The following RAB3GAP1 variants were observed in gnomAD, a reference collection of about 807,000 sequenced individuals.
The protein encoded by RAB3GAP1 is RAB3 GTPase activating protein catalytic subunit 1.
RAB3GAP1 carries 86 observed loss-of-function variants against 130.7 expected under a neutral mutation model. The observed-to-expected ratio is 0.66, with a 90% CI of 0.55 to 0.79. The LOEUF (loss-of-function observed/expected upper bound fraction) is 0.79, where lower values mean the gene tolerates loss of function less well. Among genes scored for constraint, RAB3GAP1 ranks in the 30% least tolerant of loss-of-function variants. RAB3GAP1 has a pLI of 0.00. For missense variants in RAB3GAP1, 1,029 were observed against 1,169.4 expected, an observed-to-expected ratio of 0.88 and a Z score of 1.75; for synonymous variants, 367 against 401.7, an observed-to-expected ratio of 0.91 and a Z score of 1.03.
chr2:135,078,661 TCCC>T (rs1558764987), intron 3 of RAB3GAP1, among the ~76,000 whole-genome samples: 1 of 5,812 alleles, frequency 1.7e-4, no homozygotes. Context: ...TCCCCTCCCC[TCCC>T]CTCCCCTCCC....
At chr2:135,088,461 G>T (rs1300093131) in intron 3 of RAB3GAP1, among the ~76,000 whole-genome samples, 5 of 151,950 alleles carry the variant, frequency 3.3e-5, no homozygotes, top group African/African-American at 1.2e-4. Context: ...GGCTGAGGTG[G>T]GCAGATGACT....
intron 3 of RAB3GAP1, among the ~76,000 whole-genome samples, chr2:135,068,269 A>G (rs190798958): frequency 4.7e-4 from 71 of 152,234 alleles, no homozygotes; most frequent in Admixed American, 2.0e-3. Context: ...CTTTTTAGAC[A>G]TTTTTAGTTC....
chr2:135,084,486 A>G (rs1038604539), intron 3 of RAB3GAP1, among the ~76,000 whole-genome samples: 1 of 152,210 alleles, frequency 6.6e-6, no homozygotes, highest in Non-Finnish European at 1.5e-5. Flanking sequence ...GTCTAGAGTA[A>G]GAAAAGGATC....
chr2:135,173,134 T>C (rs1692902926), downstream of RAB3GAP1, among the ~76,000 whole-genome samples: 1 of 152,112 alleles, frequency 6.6e-6, no homozygotes, highest in African/African-American at 2.4e-5. Flanking sequence ...AGATGCTTAT[T>C]TTTAAACTGC....
downstream of RAB3GAP1, among the ~76,000 whole-genome samples, chr2:135,173,993 C>A (rs968368645): frequency 6.6e-6 from 1 of 152,216 alleles, no homozygotes; most frequent in African/African-American, 2.4e-5. Context: ...CTCCTGGAAG[C>A]CCAGGGACTC....
chr2:135,092,866 C>G (rs1160295285), intron 4 of RAB3GAP1, among the ~76,000 whole-genome samples: 2 of 152,174 alleles, frequency 1.3e-5, no homozygotes, highest in Non-Finnish European at 2.9e-5. Flanking sequence ...ACCATCAGCT[C>G]AGTTTTACAG....
At chr2:135,079,188 G>GT (rs1395633072) in intron 3 of RAB3GAP1, among the ~76,000 whole-genome samples, 4 of 152,118 alleles carry the variant, frequency 2.6e-5, no homozygotes, top group African/African-American at 9.7e-5. Flanking sequence ...GTTTCACCAT[G>GT]TTGTCCAGGA....
intron 3 of RAB3GAP1, among the ~76,000 whole-genome samples, chr2:135,079,323 T>A (rs1482696031): frequency 6.6e-6 from 1 of 152,174 alleles, no homozygotes; most frequent in Non-Finnish European, 1.5e-5. Context: ...TCCTTACTTC[T>A]CCATGCTTTC....
chr2:135,122,272 C>G (rs1195849070), intron 8 of RAB3GAP1, among the ~76,000 whole-genome samples: 1 of 152,096 alleles, frequency 6.6e-6, no homozygotes, highest in Non-Finnish European at 1.5e-5. Context: ...TCAGAAGAAA[C>G]ACTCAAATGT....
chr2:135,085,852 T>C (rs1472320954), intron 3 of RAB3GAP1, among the ~76,000 whole-genome samples: 1 of 152,222 alleles, frequency 6.6e-6, no homozygotes, highest in African/African-American at 2.4e-5. Context: ...TTAACAAATG[T>C]ATATACCCAT....
At chr2:135,079,017 G>A (rs1341983851) in intron 3 of RAB3GAP1, among the ~76,000 whole-genome samples, 2 of 151,998 alleles carry the variant, frequency 1.3e-5, no homozygotes, top group East Asian at 3.9e-4. Context: ...ACAGGCACAC[G>A]CCACCATGCC....
intron 23 of RAB3GAP1, 145 bp downstream of exon 23, chr2:135,164,841 A>G (rs1692586612): frequency 1.5e-5 from 10 of 668,774 alleles, no homozygotes; most frequent in South Asian, 3.1e-5. Context: ...TGAAGAAACA[A>G]TGACTTCTGA....
At chr2:135,124,693 T>C (rs566870637) in intron 9 of RAB3GAP1, among the ~76,000 whole-genome samples, 1 of 152,330 alleles carries the variant, frequency 6.6e-6, no homozygotes, top group South Asian at 2.1e-4. Context: ...CTACACTTGC[T>C]TTATTTATTT....
chr2:135,104,875 C>T (rs895061982), intron 5 of RAB3GAP1, among the ~76,000 whole-genome samples: 10 of 151,870 alleles, frequency 6.6e-5, no homozygotes, highest in Admixed American at 1.3e-4. Flanking sequence ...GGCAACAGAG[C>T]GAAACTCCAT....
intron 18 of RAB3GAP1, among the ~76,000 whole-genome samples, chr2:135,151,937 C>G (rs1692188514): frequency 6.6e-6 from 1 of 152,184 alleles, no homozygotes; most frequent in Non-Finnish European, 1.5e-5. Context: ...TGGTAAAGTT[C>G]TATATAGTTC....
chr2:135,173,840 G>T (rs533628347), downstream of RAB3GAP1, among the ~76,000 whole-genome samples: 1 of 152,270 alleles, frequency 6.6e-6, no homozygotes, highest in South Asian at 2.1e-4. Flanking sequence ...ACAGATAGGG[G>T]TGGGTGGGTG....
chr2:135,137,882 G>C (rs1447786877), intron 17 of RAB3GAP1, among the ~76,000 whole-genome samples: 1 of 151,190 alleles, frequency 6.6e-6, no homozygotes, highest in African/African-American at 2.4e-5. Context: ...TGGGAGTGCA[G>C]TGGCATGACT....
chr2:135,083,767 G>GTTTTTTTTTTTTTTTTTTT (rs34087354), intron 3 of RAB3GAP1, among the ~76,000 whole-genome samples: 1 of 98,286 alleles, frequency 1.0e-5, no homozygotes. Context: ...ACCCAACACG[G>GTTTTTTTTTTTTTTTTTTT]TTTTTTTTTT....
At chr2:135,174,363 T>C (rs1204809467), downstream of RAB3GAP1, among the ~76,000 whole-genome samples, 1 of 152,174 alleles carries the variant, frequency 6.6e-6, no homozygotes, top group Non-Finnish European at 1.5e-5. Context: ...TGGCCCCTCC[T>C]CTTCAGCATG....
Sources: gnomAD v4.1 joint callset for allele counts (sites outside exome capture counted in the v4.1 genomes callset) on GRCh38, gnomAD v4.1.1 for gene constraint, MANE v1.5 for transcripts, NCBI Gene and HGNC (gene_info 2026-07-23, HGNC 2026-07-21) for gene names.